Variants in KCNN3 observed in about 807,000 individuals in gnomAD.
KCNN3 encodes potassium calcium-activated channel subfamily N member 3.
KCNN3 carries 16 observed loss-of-function variants against 62.9 expected under a neutral mutation model. The ratio of observed to expected loss-of-function variants is 0.25; its 90% CI spans 0.17 to 0.39. The LOEUF is 0.39. Ranked by LOEUF, KCNN3 falls within the 10% of genes least tolerant of loss-of-function variation. KCNN3 has a pLI of 1.00. For synonymous variants in KCNN3, 370 were observed against 389.2 expected (o/e 0.95, Z 0.58); for missense variants, 599 against 949.4 (o/e 0.63, Z 4.85).
intron 1 of KCNN3, chr1:154,868,248 C>T: frequency 1.0e-6 from 1 of 985,656 alleles, no homozygotes. Flanking sequence ...AGCTGCTCTG[C>T]CCAGGTAACA....
intron 3 of KCNN3, among the ~76,000 whole-genome samples, chr1:154,757,962 C>A (rs1354584313): frequency 6.6e-6 from 1 of 152,202 alleles, no homozygotes; most frequent in Non-Finnish European, 1.5e-5. Context: ...CCTGGCCCAA[C>A]GTCACCTGCT....
At chr1:154,813,594 G>C (rs537880142) in intron 2 of KCNN3, among the ~76,000 whole-genome samples, 7 of 152,260 alleles carry the variant, frequency 4.6e-5, no homozygotes, top group Non-Finnish European at 7.4e-5. Flanking sequence ...CTGGAGCTAA[G>C]GAAGCTCCTG....
chr1:154,846,263 A>G (rs570306177), intron 1 of KCNN3, among the ~76,000 whole-genome samples: 2 of 151,920 alleles, frequency 1.3e-5, no homozygotes, highest in Admixed American at 1.3e-4. Context: ...ACAGTGTGGC[A>G]CCCTCCCCTT....
intron 1 of KCNN3, among the ~76,000 whole-genome samples, chr1:154,847,924 C>T (rs1652142531): frequency 6.6e-6 from 1 of 152,242 alleles, no homozygotes; most frequent in Non-Finnish European, 1.5e-5. Flanking sequence ...ACTGCACAGC[C>T]AGTCACTCCC....
At chr1:154,761,235 C>T (rs1647997904) in intron 3 of KCNN3, among the ~76,000 whole-genome samples, 1 of 152,164 alleles carries the variant, frequency 6.6e-6, no homozygotes, top group Admixed American at 6.5e-5. Flanking sequence ...GAAGCTGAGG[C>T]GGGCGGATCA....
chr1:154,823,255 G>C (rs567524912), intron 1 of KCNN3, among the ~76,000 whole-genome samples: 35 of 152,304 alleles, frequency 2.3e-4, no homozygotes, highest in African/African-American at 7.7e-4. Flanking sequence ...CGGGAACACA[G>C]CCCTGAGCAA....
chr1:154,730,685 T>C (rs1415819921), intron 4 of KCNN3, among the ~76,000 whole-genome samples: 1 of 152,256 alleles, frequency 6.6e-6, no homozygotes, highest in Admixed American at 6.5e-5. Context: ...TTCCTGTATA[T>C]AGAAAGGTGT....
chr1:154,852,862 T>TC (rs755752663), intron 1 of KCNN3, among the ~76,000 whole-genome samples: 1 of 152,138 alleles, frequency 6.6e-6, no homozygotes, highest in Non-Finnish European at 1.5e-5. Flanking sequence ...CCAGGCATGA[T>TC]CCCCCCTCAG....
chr1:154,736,704 G>A (rs759757607), intron 3 of KCNN3, among the ~76,000 whole-genome samples: 66 of 152,248 alleles, frequency 4.3e-4, no homozygotes, highest in Non-Finnish European at 1.5e-4. Flanking sequence ...GATTAAACTC[G>A]TGCTCCCTGG....
chr1:154,716,440 T>G (rs1446072017), intron 5 of KCNN3, among the ~76,000 whole-genome samples: 2 of 152,256 alleles, frequency 1.3e-5, no homozygotes, highest in African/African-American at 4.8e-5. Context: ...GACCTGCTTC[T>G]TCAGACTGAC....
chr1:154,741,315 C>T (rs969271832), intron 3 of KCNN3, among the ~76,000 whole-genome samples: 4 of 151,992 alleles, frequency 2.6e-5, no homozygotes, highest in East Asian at 1.9e-4. Flanking sequence ...TTTGTCTAAC[C>T]CTGAAGTTAT....
intron 3 of KCNN3, among the ~76,000 whole-genome samples, chr1:154,754,982 G>T (rs1310022748): frequency 1.3e-5 from 2 of 152,130 alleles, no homozygotes; most frequent in Non-Finnish European, 2.9e-5. Flanking sequence ...ATAAAACTTG[G>T]CATGGTGCAG....
In KCNN3 at chr1:154,811,628, A is replaced by T. The variant is rs115654990; in HGVS notation, c.1029+10461T>A. Among the ~76,000 whole-genome samples, 1,294 of 152,340 alleles carry T rather than the reference A, an allele frequency of 8.5e-3. 9 individuals carry two copies. Among genetic ancestry groups the T allele is most frequent in the Admixed American group, 0.014 (214 of 15,294 alleles). On this transcript the variant is annotated intron_variant, in intron 2 of 7. Coordinates refer to ENST00000271915, the MANE Select transcript of KCNN3 (RefSeq NM_002249.6). ...TGAATTGCATCGAATTCTTTAATTC[A>T]AAGGTAAATCGGGGCAGTTCATCTC...
At chr1:154,713,756 T>C (rs1040866510) in intron 6 of KCNN3, among the ~76,000 whole-genome samples, 1 of 152,030 alleles carries the variant, frequency 6.6e-6, no homozygotes, top group African/African-American at 2.4e-5. Flanking sequence ...ACTGGTTTCT[T>C]GCTATTCCCA....
intron 2 of KCNN3, among the ~76,000 whole-genome samples, chr1:154,773,238 G>GCT (rs1648647768): frequency 6.6e-6 from 1 of 152,150 alleles, no homozygotes; most frequent in Admixed American, 6.5e-5. Flanking sequence ...ACACATGGAG[G>GCT]TCCCTGGACA....
chr1:154,705,276 G>A lies in KCNN3; in HGVS notation c.*2700C>T, dbSNP rs1271830086. The stretch of plus-strand genomic sequence containing the variant: ...ATAATTAATACTTAAGTCATCAAGG[G>A]TTGATTGTACTTGCAGGAGAACGGG... On this transcript the variant is annotated 3_prime_UTR_variant, in exon 8 of 8. Transcript: ENST00000271915. 6.6e-6 allele frequency: 1 copy of A among 152,196 alleles called. No homozygotes were observed. The highest frequency in any genetic ancestry group is 6.5e-5 in the Admixed American group (1 of 15,288). The allele number at this position is 152,196 out of a possible 1,614,324, so 9.4% of individuals were successfully genotyped here.
chr1:154,726,090 ACT>A, intron 4 of KCNN3, 64 bp from the exon 5 acceptor site: 1 of 1,254,410 alleles, frequency 8.0e-7, no homozygotes. Context: ...AAGATGAGAG[ACT>A]CAACACGCCT....
chr1:154,769,024 T>C (rs1648426484), intron 3 of KCNN3, among the ~76,000 whole-genome samples: 1 of 152,070 alleles, frequency 6.6e-6, no homozygotes. Context: ...AGATTTTGGC[T>C]CCACGCTTAT....
At chr1:154,852,223 C>T (rs1008369110) in intron 1 of KCNN3, among the ~76,000 whole-genome samples, 9 of 139,914 alleles carry the variant, frequency 6.4e-5, no homozygotes, top group African/African-American at 1.3e-4. Context: ...TTTTTTTTCT[C>T]GGACGGGGAG....
Sources: allele counts gnomAD v4.1 joint callset (sites outside exome capture counted in the v4.1 genomes callset), GRCh38; gene constraint gnomAD v4.1.1; transcripts MANE v1.5; gene names NCBI Gene and HGNC (gene_info 2026-07-23, HGNC 2026-07-21).